Variants in PRMT3 observed in about 807,000 individuals in gnomAD.
PRMT3 encodes protein arginine N-methyltransferase 3.
A neutral mutation model predicts 71.9 loss-of-function variants in PRMT3; 62 were observed. That is an observed-to-expected ratio of 0.86 (90% CI 0.70 to 1.07). PRMT3 has a LOEUF of 1.07. Ranked by LOEUF, PRMT3 falls within the 50% of genes least tolerant of loss-of-function variation. The pLI is 0.00. For synonymous variants in PRMT3, 213 were observed against 220.4 expected (o/e 0.97, Z 0.30); for missense variants, 663 against 643.0 (o/e 1.03, Z -0.34).
At chr11:20,422,435 A>C (rs1375904668) in intron 9 of PRMT3, among the ~76,000 whole-genome samples, 3 of 152,190 alleles carry the variant, frequency 2.0e-5, no homozygotes, top group Admixed American at 2.0e-4. Context: ...GTAAAAGCAT[A>C]AGAAGTCTTT....
intron 13 of PRMT3, among the ~76,000 whole-genome samples, chr11:20,480,671 G>T (rs531001657): frequency 6.6e-6 from 1 of 152,232 alleles, no homozygotes; most frequent in Non-Finnish European, 1.5e-5. Flanking sequence ...GCTTTGCAGT[G>T]ACTTACACAA....
At chr11:20,502,605 T>A (rs1851484417) in intron 15 of PRMT3, among the ~76,000 whole-genome samples, 1 of 152,206 alleles carries the variant, frequency 6.6e-6, no homozygotes, top group Non-Finnish European at 1.5e-5. Flanking sequence ...AACTGAGGAA[T>A]GCATAGAACT....
chr11:20,419,423 A>T (rs1031388034), intron 9 of PRMT3, among the ~76,000 whole-genome samples: 2 of 152,150 alleles, frequency 1.3e-5, no homozygotes, highest in Admixed American at 6.5e-5. Context: ...GTTTTATGTA[A>T]CGTGAAAGTC....
chr11:20,487,993 T>G (rs1226065635), intron 13 of PRMT3, among the ~76,000 whole-genome samples: 1 of 152,182 alleles, frequency 6.6e-6, no homozygotes, highest in Non-Finnish European at 1.5e-5. Context: ...ATTGCCTGTT[T>G]TACTACTTCC....
At chr11:20,455,493 C>T (rs527513589) in intron 11 of PRMT3, among the ~76,000 whole-genome samples, 1 of 152,150 alleles carries the variant, frequency 6.6e-6, no homozygotes, top group African/African-American at 2.4e-5. Context: ...TTTATCAAAG[C>T]ACATGCAAAT....
intron 10 of PRMT3, among the ~76,000 whole-genome samples, chr11:20,441,879 G>T (rs1244213503): frequency 7.3e-6 from 1 of 137,036 alleles, no homozygotes; most frequent in African/African-American, 2.8e-5. Flanking sequence ...TGTAACCTCT[G>T]CCCCCCAGGT....
chr11:20,439,903 C>T (rs1849847642), intron 10 of PRMT3, among the ~76,000 whole-genome samples: 1 of 152,148 alleles, frequency 6.6e-6, no homozygotes, highest in African/African-American at 2.4e-5. Context: ...GCAATTAAAA[C>T]AGTGTTTTAC....
rs192599364 is a variant in PRMT3, at chr11:20,493,310, A to C, written c.1348-609A>C. ...CATCACAAAAATATTCATAGTACTTAAAAACAGATATACTGGACTAGAAGA... is the reference window on the plus strand; with the variant it reads ...CATCACAAAAATATTCATAGTACTTCAAAACAGATATACTGGACTAGAAGA... On this transcript the variant is annotated intron_variant, in intron 13 of 15. Transcript: ENST00000331079. 4.9e-3 allele frequency among the ~76,000 whole-genome samples: 753 copies of C among 152,356 alleles called. 2 individuals carry two copies. Among genetic ancestry groups the C allele is most frequent in the Non-Finnish European group, 7.2e-3 (492 of 68,034 alleles).
chr11:20,491,502 A>G (rs146656227), intron 13 of PRMT3, among the ~76,000 whole-genome samples: 33 of 152,342 alleles, frequency 2.2e-4, no homozygotes, highest in African/African-American at 7.9e-4. Flanking sequence ...AAATCAGACC[A>G]TAAGTTCTGT....
At chr11:20,391,252 G>T (rs1239231905) in intron 3 of PRMT3, among the ~76,000 whole-genome samples, 3 of 147,874 alleles carry the variant, frequency 2.0e-5, no homozygotes, top group African/African-American at 7.4e-5. Context: ...TTTTGTTTTT[G>T]TTTTTTTTTT....
At position 20,494,257 on chromosome 11, in the gene PRMT3, G is replaced by A. The variant is rs373593698; in HGVS notation, c.1486+3G>A. On this transcript the variant is annotated splice_donor_region_variant and intron_variant, in intron 15 of 15. Transcript: ENST00000331079. ...AAAACCATTTTCAGTTAAAGCAGGT[G>A]AGAAAGAATAGTAGGGGGGAAGTAT... The A allele has an allele frequency of 2.2e-5, 34 of 1,565,340 alleles. No individual in the cohort carries two copies. The highest frequency in any genetic ancestry group is 2.8e-5 in the Non-Finnish European group (32 of 1,137,458).
chr11:20,431,547 C>A (rs953273418), intron 10 of PRMT3, among the ~76,000 whole-genome samples: 4 of 152,118 alleles, frequency 2.6e-5, no homozygotes, highest in African/African-American at 7.2e-5. Flanking sequence ...TGAAAATAAT[C>A]ATATACATGA....
chr11:20,468,961 AGGAAT>A (rs1401868349), intron 13 of PRMT3, among the ~76,000 whole-genome samples: 1 of 152,180 alleles, frequency 6.6e-6, no homozygotes, highest in East Asian at 1.9e-4. Flanking sequence ...TTTATATTTT[AGGAAT>A]TTAACATGTG....
chr11:20,404,035 G>T (rs1021025934), intron 8 of PRMT3, among the ~76,000 whole-genome samples: 10 of 151,700 alleles, frequency 6.6e-5, no homozygotes, highest in Non-Finnish European at 1.3e-4. Context: ...AATTTATATG[G>T]TGCTCTGATC....
chr11:20,465,213 A>G (rs7126669), intron 13 of PRMT3, among the ~76,000 whole-genome samples: 135,039 of 152,046 alleles, frequency 0.89, 61,284 homozygotes, highest in Non-Finnish European at 0.99. Context: ...GAAACGTTAG[A>G]TTATTAAAAT....
chr11:20,429,263 A>G (rs1849607183), intron 10 of PRMT3, among the ~76,000 whole-genome samples: 2 of 152,092 alleles, frequency 1.3e-5, no homozygotes, highest in Non-Finnish European at 2.9e-5. Context: ...TACAGTCTAG[A>G]TCCTTCACTT....
intron 10 of PRMT3, among the ~76,000 whole-genome samples, chr11:20,440,946 T>C (rs1849880211): frequency 6.6e-6 from 1 of 152,134 alleles, no homozygotes; most frequent in African/African-American, 2.4e-5. Context: ...TTATAGATCA[T>C]GCCTTTGGTA....
At chr11:20,394,343 A>C (rs1315847407) in intron 5 of PRMT3, among the ~76,000 whole-genome samples, 1 of 152,210 alleles carries the variant, frequency 6.6e-6, no homozygotes, top group African/African-American at 2.4e-5. Context: ...ATTTAATAAT[A>C]TCAGCAATAA....
intron 9 of PRMT3, among the ~76,000 whole-genome samples, chr11:20,424,035 T>A (rs1331999162): frequency 1.3e-5 from 2 of 151,554 alleles, no homozygotes; most frequent in South Asian, 4.2e-4. Context: ...ATACAAAAAA[T>A]TAGCTGGGTG....
Sources: gnomAD v4.1 joint callset for allele counts (sites outside exome capture counted in the v4.1 genomes callset) on GRCh38, gnomAD v4.1.1 for gene constraint, MANE v1.5 for transcripts, NCBI Gene and HGNC (gene_info 2026-07-23, HGNC 2026-07-21) for gene names.